ANXA10: variants seen among roughly 807,000 people sequenced by gnomAD.
The protein encoded by ANXA10 is annexin A10.
In ANXA10, 49 loss-of-function variants were observed where a neutral mutation model predicts 53.5. The ratio of observed to expected loss-of-function variants is 0.92; its 90% CI spans 0.73 to 1.16. ANXA10 has a LOEUF of 1.16. Ranked by LOEUF, ANXA10 falls within the 50% of genes most tolerant of loss-of-function variation. The probability of loss-of-function intolerance (pLI) is 0.00; values close to 1 mark genes in which losing one functional copy is unlikely to be tolerated. For missense variants in ANXA10, 393 were observed against 394.4 expected, an observed-to-expected ratio of 1.00 and a Z score of 0.03; for synonymous variants, 131 against 128.9, an observed-to-expected ratio of 1.02 and a Z score of -0.11.
At chr4:168,149,786 G>C (rs1419363818) in intron 3 of ANXA10, among the ~76,000 whole-genome samples, 1 of 152,188 alleles carries the variant, frequency 6.6e-6, no homozygotes, top group Non-Finnish European at 1.5e-5. Context: ...CAGATTATCA[G>C]GGAAAATGTT....
At chr4:168,137,343 C>G (rs1361437794) in intron 2 of ANXA10, among the ~76,000 whole-genome samples, 1 of 152,152 alleles carries the variant, frequency 6.6e-6, no homozygotes, top group East Asian at 1.9e-4. Context: ...ATATTGCATA[C>G]TTGTGGAGTC....
chr4:168,172,315 G>A (rs922650559), intron 6 of ANXA10, among the ~76,000 whole-genome samples: 2 of 152,170 alleles, frequency 1.3e-5, no homozygotes, highest in Non-Finnish European at 2.9e-5. Flanking sequence ...ACCATTTCAG[G>A]TTAAATGTCC....
At chr4:168,099,764 T>A (rs1452864400) in intron 1 of ANXA10, among the ~76,000 whole-genome samples, 1 of 152,130 alleles carries the variant, frequency 6.6e-6, no homozygotes, top group African/African-American at 2.4e-5. Flanking sequence ...GTCTTTTTTT[T>A]AAATATATGA....
chr4:168,187,138 G>A (rs6821369), intron 11 of ANXA10, among the ~76,000 whole-genome samples: 10,970 of 151,924 alleles, frequency 0.072, 840 homozygotes, highest in African/African-American at 0.17. Context: ...AGGTTCAACC[G>A]ACTTTATGTA....
At chr4:168,123,624 G>T (rs1282724703) in intron 1 of ANXA10, among the ~76,000 whole-genome samples, 1 of 152,100 alleles carries the variant, frequency 6.6e-6, no homozygotes, top group Admixed American at 6.5e-5. Flanking sequence ...ATTGAGTGAT[G>T]CCAAGACTAA....
intron 4 of ANXA10, among the ~76,000 whole-genome samples, chr4:168,163,896 A>T (rs1731828051): frequency 6.6e-6 from 1 of 152,216 alleles, no homozygotes; most frequent in Non-Finnish European, 1.5e-5. Context: ...CAGCAAATGG[A>T]AATGCTCAAT....
At chr4:168,098,205 A>C (rs1399383201) in intron 1 of ANXA10, among the ~76,000 whole-genome samples, 1 of 152,062 alleles carries the variant, frequency 6.6e-6, no homozygotes, top group Non-Finnish European at 1.5e-5. Context: ...TAAAGGAAGA[A>C]AGTCATTAGA....
chr4:168,107,963 G>A (rs1225587739), intron 1 of ANXA10, among the ~76,000 whole-genome samples: 2 of 152,134 alleles, frequency 1.3e-5, no homozygotes, highest in Admixed American at 1.3e-4. Flanking sequence ...ATATTCATAA[G>A]TTACTTGCAC....
intron 6 of ANXA10, among the ~76,000 whole-genome samples, chr4:168,175,754 C>T (rs1439762703): frequency 6.6e-6 from 1 of 152,214 alleles, no homozygotes; most frequent in Non-Finnish European, 1.5e-5. Context: ...CTGACAAACT[C>T]ATGCCTATTT....
At chr4:168,098,130 AAAG>A (rs1730581862) in intron 1 of ANXA10, among the ~76,000 whole-genome samples, 1 of 152,192 alleles carries the variant, frequency 6.6e-6, no homozygotes, top group East Asian at 1.9e-4. Context: ...TAAAAAAAAA[AAAG>A]ATGTTTAACT....
intron 1 of ANXA10, among the ~76,000 whole-genome samples, chr4:168,095,601 T>C (rs1730529263): frequency 1.3e-5 from 2 of 152,142 alleles, no homozygotes; most frequent in Admixed American, 1.3e-4. Flanking sequence ...AAGAATACCA[T>C]TTAACATGCA....
At chr4:168,102,534 G>A (rs2149464563) in intron 1 of ANXA10, among the ~76,000 whole-genome samples, 1 of 152,176 alleles carries the variant, frequency 6.6e-6, no homozygotes, top group South Asian at 2.1e-4. Context: ...CCTCCGCTTA[G>A]TAGAAACATT....
intron 1 of ANXA10, among the ~76,000 whole-genome samples, chr4:168,110,909 A>C (rs1361130640): frequency 6.6e-6 from 1 of 152,198 alleles, no homozygotes; most frequent in Non-Finnish European, 1.5e-5. Flanking sequence ...AGGAAAGTAA[A>C]AGGTAATCTA....
intron 1 of ANXA10, among the ~76,000 whole-genome samples, chr4:168,121,032 A>C (rs1273484155): frequency 3.3e-5 from 5 of 152,096 alleles, no homozygotes; most frequent in African/African-American, 9.6e-5. Context: ...CTGTTACTTT[A>C]ATATAAAAGT....
intron 1 of ANXA10, among the ~76,000 whole-genome samples, chr4:168,095,355 A>G (rs1730524933): frequency 6.6e-6 from 1 of 151,922 alleles, no homozygotes; most frequent in Non-Finnish European, 1.5e-5. Flanking sequence ...AGTTAACTTT[A>G]ATCCTATTCC....
intron 1 of ANXA10, among the ~76,000 whole-genome samples, chr4:168,096,114 A>G (rs149435219): frequency 3.3e-5 from 5 of 152,308 alleles, no homozygotes; most frequent in African/African-American, 9.6e-5. Flanking sequence ...AATTCAGGGC[A>G]TATTACCTAG....
intron 10 of ANXA10, 113 bp from the exon 11 acceptor site, chr4:168,184,446 G>A: frequency 2.3e-6 from 3 of 1,292,964 alleles, no homozygotes; most frequent in Non-Finnish European, 3.2e-6. Context: ...GCCAGTGTTG[G>A]AAGAACTCAG....
intron 6 of ANXA10, among the ~76,000 whole-genome samples, chr4:168,166,689 G>T (rs1284418672): frequency 7.0e-6 from 1 of 143,612 alleles, no homozygotes; most frequent in African/African-American, 2.6e-5. Context: ...TGTTTGAAAT[G>T]AAGCAAGAGT....
At chr4:168,160,167 T>G (rs1181609624) in intron 3 of ANXA10, among the ~76,000 whole-genome samples, 1 of 152,134 alleles carries the variant, frequency 6.6e-6, no homozygotes, top group Non-Finnish European at 1.5e-5. Flanking sequence ...ACCTAGATAT[T>G]AAGCCCATTA....
Sources: allele counts gnomAD v4.1 joint callset (sites outside exome capture counted in the v4.1 genomes callset), GRCh38; gene constraint gnomAD v4.1.1; transcripts MANE v1.5; gene names NCBI Gene and HGNC (gene_info 2026-07-23, HGNC 2026-07-21).